Variants in BRPF1 observed in about 807,000 individuals in gnomAD.
The protein encoded by BRPF1 is peregrin.
A neutral mutation model predicts 115.0 loss-of-function variants in BRPF1; 15 were observed. The ratio of observed to expected loss-of-function variants is 0.13; its 90% CI spans 0.09 to 0.20. BRPF1 has a LOEUF of 0.20. BRPF1 is among the 10% of genes least tolerant of loss of function. BRPF1 has a pLI of 1.00. For missense variants in BRPF1, 1,118 were observed against 1,638.3 expected (o/e 0.68, Z 5.48); for synonymous variants, 647 against 619.8 (o/e 1.04, Z -0.65).
chr3:9,744,923 C>T (rs1427417273), intron 9 of BRPF1, 85 bp from the exon 10 acceptor site: 5 of 1,577,084 alleles, frequency 3.2e-6, no homozygotes, highest in African/African-American at 1.4e-5. Context: ...GGAACCCAAG[C>T]TCCAAGTCCC....
chr3:9,739,520 T>C lies in BRPF1; in HGVS notation c.1121T>C (p.Ile374Thr). 1 of 1,613,728 alleles carries C rather than the reference T, an allele frequency of 6.2e-7. No individual in the cohort carries two copies. Among genetic ancestry groups the C allele is most frequent in the Non-Finnish European group, 8.5e-7 (1 of 1,179,662 alleles). ...GTCTTCCTAGAGCCTATTGACAGCA[T>C]TGAGCACATCCCACCAGCTCGCTGG... The part of the protein sequence containing the change: ...NTVFLEPIDS[I>T]EHIPPARWKL... Residue 374 changes from isoleucine to threonine, a missense_variant, in exon 3 of 14, where the codon ATT (isoleucine) becomes ACT (threonine). This residue lies in a region of BRPF1 where 64 missense variants were observed against 172.8 expected (regional missense o/e 0.37). Transcript: ENST00000383829.
rs1390701308 is a variant in BRPF1 at position 9,739,227 on chromosome 3, C to T, written c.828C>T (p.Cys276=). The T allele has an allele frequency of 8.7e-6, 14 of 1,613,546 alleles. No individual in the cohort carries two copies. Among genetic ancestry groups the T allele is most frequent in the Non-Finnish European group, 1.0e-5 (12 of 1,179,564 alleles). ...CGCTAGTGGACGAGGATGCTGTTTG[C>T]TGTATCTGCAATGATGGTGAGTGCC... ...PNALVDEDAV[C]CICNDGECQN... Residue 276 remains cysteine (C), a synonymous_variant, in exon 3 of 14, where the codon TGC becomes TGT. Coordinates refer to ENST00000383829, the MANE Select transcript of BRPF1 (RefSeq NM_001003694.2).
rs750076131 is a variant in BRPF1 at position 9,739,106 on chromosome 3, G to A, written c.707G>A (p.Gly236Asp). 2.5e-5 allele frequency: 40 copies of A among 1,613,914 alleles called. No homozygotes were observed. Among genetic ancestry groups the A allele is most frequent in the Non-Finnish European group, 3.1e-5 (37 of 1,179,950 alleles). The change falls in exon 3 of 14, where the codon GGT becomes GAT. Residue 236 changes from glycine to aspartate, a missense_variant. Around this residue, in one of 10 missense-constraint regions of BRPF1, gnomAD observed 280 missense variants for 382.8 expected, o/e 0.73. Transcript: ENST00000383829. ...ATGAATGAGCGTCGGAAGACAGAGG[G>A]TGTAAGTCCCATCCCGCAGGAGATC... is the stretch of plus-strand genomic sequence containing the variant. ...DIMNERRKTE[G>D]VSPIPQEIFE...
rs1406206495 is a variant in BRPF1 at position 9,744,347 on chromosome 3, A to T, written c.2759A>T (p.Asn920Ile). Residue 920 changes from asparagine (N) to isoleucine (I), a missense_variant, in exon 9 of 14, where the codon AAC becomes ATC. By Grantham distance (149) the Asn-to-Ile change is moderately radical. Transcript: ENST00000383829. The part of the protein sequence containing the change: ...PPKRPGRPPK[N>I]RESQMTPSHG... ...AAGAGGCCGGGCCGGCCCCCCAAAA[A>T]CCGGGAGAGCCAGATGACCCCCAGC... 22 of 1,612,956 alleles carry T rather than the reference A, an allele frequency of 1.4e-5. No homozygotes were observed. Among genetic ancestry groups the T allele is most frequent in the Non-Finnish European group, 1.9e-5 (22 of 1,179,598 alleles).
intron 1 of BRPF1, chr3:9,732,594 TGC>T (rs950241194): frequency 2.6e-5 from 4 of 152,294 alleles, no homozygotes; most frequent in Admixed American, 2.0e-4. Flanking sequence ...TGATTCGCTG[TGC>T]TACTTTGGGA....
intron 1 of BRPF1, chr3:9,732,801 G>A (rs2076876932): frequency 6.6e-6 from 1 of 152,346 alleles, no homozygotes. Flanking sequence ...CAGGTGGAGA[G>A]GCCAAGAGGG....
rs781261901 is a variant in BRPF1, at chr3:9,741,287, ATC to A, written c.1723-19_1723-18del. Reference sequence around the variant, plus strand: ...CCTCTGGCTTTCTAATCATCCTCTGATCTTCGTTTTGCCTCTACAGAGAGATT... The same window carrying A: ...CCTCTGGCTTTCTAATCATCCTCTGATTCGTTTTGCCTCTACAGAGAGATT... On this transcript the variant is annotated intron_variant, in intron 4 of 13. Coordinates refer to ENST00000383829, the MANE Select transcript of BRPF1 (RefSeq NM_001003694.2). 19 of 1,546,632 alleles carry A rather than the reference ATC, an allele frequency of 1.2e-5. No homozygotes were observed. In the East Asian group the frequency reaches 2.3e-4, roughly 19 times the overall value.
At chr3:9,736,271 G>T (rs1037759885) in intron 2 of BRPF1, among the ~76,000 whole-genome samples, 1 of 152,176 alleles carries the variant, frequency 6.6e-6, no homozygotes, top group Non-Finnish European at 1.5e-5. Context: ...CTCCCAAAGT[G>T]CTGGGATGAC....
Position 9,745,496 on chromosome 3 carries a change from A to T in BRPF1, c.3069-77A>T. The T allele has an allele frequency of 6.6e-7, 1 of 1,524,580 alleles. No homozygotes were observed. The allele number at this position is 1,524,580 out of a possible 1,614,324, so 94.4% of individuals were successfully genotyped here. ...AAAAGTCTCAGACCCTGCGGGCTTT[A>T]AGAGCTGAGGGCACATACCATGCTG... On this transcript the variant is annotated intron_variant, in intron 10 of 13. Coordinates refer to ENST00000383829, the MANE Select transcript of BRPF1 (RefSeq NM_001003694.2). This position sits in a 1 kb window ranked among gnomAD's most constrained non-coding sequence, Gnocchi z 5.1.
intron 6 of BRPF1, 59 bp from the exon 7 acceptor site, chr3:9,742,885 G>T (rs1284482773): frequency 1.3e-6 from 2 of 1,552,360 alleles, no homozygotes; most frequent in Non-Finnish European, 8.8e-7. Context: ...GTTAGGAGCA[G>T]GGTTCGGGGC....
chr3:9,744,741 TTTCTC>T (rs2077093791), intron 9 of BRPF1, among the ~76,000 whole-genome samples: 1 of 152,188 alleles, frequency 6.6e-6, no homozygotes, highest in Admixed American at 6.5e-5. Context: ...CACTTTACCT[TTTCTC>T]TTCTCACCTT....
At position 9,747,452 on chromosome 3, in the gene BRPF1, T is replaced by C; in HGVS notation, c.*103T>C. 7.0e-7 allele frequency: 1 copy of C among 1,428,000 alleles called. No individual in the cohort carries two copies. The highest frequency in any genetic ancestry group is 9.6e-7 in the Non-Finnish European group (1 of 1,042,140). The allele number at this position is 1,428,000 out of a possible 1,614,324, so 88.5% of individuals were successfully genotyped here. Reference sequence around the variant, plus strand: ...GGCCTCTGCACTGACTCATTTCTGGTCTTGGGGCCAGTCTCAGGGGAAGCT... The same window carrying C: ...GGCCTCTGCACTGACTCATTTCTGGCCTTGGGGCCAGTCTCAGGGGAAGCT... On this transcript the variant is annotated 3_prime_UTR_variant, in exon 14 of 14. Coordinates refer to ENST00000383829, the MANE Select transcript of BRPF1 (RefSeq NM_001003694.2). This position sits in a 1 kb window ranked among gnomAD's most constrained non-coding sequence, Gnocchi z 5.6.
intron 9 of BRPF1, 86 bp downstream of exon 9, chr3:9,744,594 C>G: frequency 9.3e-7 from 1 of 1,080,310 alleles, no homozygotes; most frequent in Admixed American, 2.8e-5. Context: ...CCTTTATTTG[C>G]CCATAAAAGA....
chr3:9,737,761 G>A (rs1181543128), intron 2 of BRPF1, among the ~76,000 whole-genome samples: 1 of 152,098 alleles, frequency 6.6e-6, no homozygotes, highest in Non-Finnish European at 1.5e-5. Context: ...TTACACCAAG[G>A]TGCTCACACT....
In BRPF1 at chr3:9,743,834, A is replaced by T. The variant is rs1318120596; in HGVS notation, c.2568A>T (p.Ala856=). The part of the protein sequence containing the change: ...SSRGSLTPHP[A]ACDKDGQTDS... Reference sequence around the variant, plus strand: ...GGGGTAGTCTGACACCCCACCCGGCAGCCTGTGACAAGGATGGGCAGACAG... The same window carrying T: ...GGGGTAGTCTGACACCCCACCCGGCTGCCTGTGACAAGGATGGGCAGACAG... The change falls in exon 8 of 14, where the codon GCA becomes GCT. Residue 856 remains alanine (A), a synonymous_variant. Transcript: ENST00000383829. The surrounding 1 kb of genome is among the most constrained non-coding windows in gnomAD (Gnocchi z 6.1). The T allele has an allele frequency of 6.2e-7, 1 of 1,607,608 alleles. No homozygotes were observed. Among genetic ancestry groups the T allele is most frequent in the Non-Finnish European group, 8.5e-7 (1 of 1,174,900 alleles).
rs1559665011 is a variant in BRPF1 at position 9,743,603 on chromosome 3, G to C, written c.2337G>C (p.Leu779Phe). ...CAGCCGAGGAAGAGCGGCTGGTCTT[G>C]CTGGAGAACCAGAAGCACCTGCCAG... ...EDAAEEERLV[L>F]LENQKHLPVE... Residue 779 changes from leucine to phenylalanine, a missense_variant, in exon 8 of 14, where the codon TTG (leucine) becomes TTC (phenylalanine). Transcript: ENST00000383829. The surrounding 1 kb of genome is among the most constrained non-coding windows in gnomAD (Gnocchi z 6.1). 1 of 1,613,172 alleles carries C rather than the reference G, an allele frequency of 6.2e-7. No homozygotes were observed. Among genetic ancestry groups the C allele is most frequent in the Non-Finnish European group, 8.5e-7 (1 of 1,179,778 alleles).
At chr3:9,746,181 G>T (rs2077122454) in intron 12 of BRPF1, 119 bp from the exon 13 acceptor site, 2 of 1,310,368 alleles carry the variant, frequency 1.5e-6, no homozygotes, top group Admixed American at 4.7e-5. Context: ...CAGCATTGCA[G>T]TTCTAGTAGC....
chr3:9,746,381 C>T lies in BRPF1; in HGVS notation c.3406C>T (p.Leu1136Phe). ...TGTGCCCCCACTGGAGGTGCTGAAA[C>T]TTGGGGAGCAGATGACCCAGGAAGC... ...IPVPPLEVLK[L>F]GEQMTQEARE... The change falls in exon 13 of 14, where the codon CTT (leucine) becomes TTT (phenylalanine). Residue 1136 changes from leucine (L) to phenylalanine (F), a missense_variant. Transcript: ENST00000383829. 1 of 1,609,804 alleles carries T rather than the reference C, an allele frequency of 6.2e-7. No homozygotes were observed. Among genetic ancestry groups the T allele is most frequent in the Non-Finnish European group, 8.5e-7 (1 of 1,176,988 alleles).
Position 9,734,282 on chromosome 3 carries a change from G to C in BRPF1, c.142G>C (p.Asp48His). 6.2e-7 allele frequency: 1 copy of C among 1,613,898 alleles called. No individual in the cohort carries two copies. The highest frequency in any genetic ancestry group is 8.5e-7 in the Non-Finnish European group (1 of 1,179,988). Residue 48 changes from aspartate to histidine, a missense_variant, in exon 2 of 14, where the codon GAC (aspartate) becomes CAC (histidine). By Grantham distance (81) the Asp-to-His change is moderately conservative. Coordinates refer to ENST00000383829, the MANE Select transcript of BRPF1 (RefSeq NM_001003694.2). The surrounding 1 kb of genome is among the most constrained non-coding windows in gnomAD (Gnocchi z 5.7). The part of the protein sequence containing the change: ...IEYHLYHYDH[D>H]NPPPPQQTPL... ...GTACCACCTGTACCACTATGACCAC[G>C]ACAACCCACCACCCCCACAACAAAC...
Sources: allele counts gnomAD v4.1 joint callset (sites outside exome capture counted in the v4.1 genomes callset), GRCh38; gene constraint gnomAD v4.1.1; regional missense constraint gnomAD v4.1.1; non-coding constraint Gnocchi (gnomAD v3.1); transcripts MANE v1.5; gene names NCBI Gene and HGNC (gene_info 2026-07-23, HGNC 2026-07-21).